Variants in CEP70 observed in about 807,000 individuals in gnomAD.
CEP70 encodes the protein centrosomal protein of 70 kDa.
Under a neutral mutation model 90.9 loss-of-function variants are expected in CEP70, and 70 were observed. That is an observed-to-expected ratio of 0.77 (90% CI 0.64 to 0.94). The LOEUF (loss-of-function observed/expected upper bound fraction) is 0.94. CEP70 is among the 40% of genes least tolerant of loss of function. The pLI is 0.00. For missense variants in CEP70, 648 were observed against 669.0 expected, an observed-to-expected ratio of 0.97 and a Z score of 0.35; for synonymous variants, 220 against 228.3, an observed-to-expected ratio of 0.96 and a Z score of 0.33.
chr3:138,582,562 A>G (rs1285694821), intron 2 of CEP70, among the ~76,000 whole-genome samples: 1 of 151,830 alleles, frequency 6.6e-6, no homozygotes, highest in East Asian at 1.9e-4. Flanking sequence ...TCACAAGGTC[A>G]TGTTCAAGAT....
chr3:138,574,436 G>C (rs916179894), intron 2 of CEP70, among the ~76,000 whole-genome samples: 4 of 152,208 alleles, frequency 2.6e-5, no homozygotes, highest in Non-Finnish European at 4.4e-5. Flanking sequence ...CAAAGCGGCA[G>C]GAAAGCTTGA....
At chr3:138,537,516 T>C (rs1474265784) in intron 6 of CEP70, among the ~76,000 whole-genome samples, 169 bp from the exon 7 acceptor site, 2 of 152,148 alleles carry the variant, frequency 1.3e-5, no homozygotes, top group Non-Finnish European at 2.9e-5. Context: ...AACATTAATA[T>C]ATCATAAACC....
chr3:138,548,785 C>A (rs1009874585), intron 6 of CEP70, among the ~76,000 whole-genome samples: 1 of 152,180 alleles, frequency 6.6e-6, no homozygotes, highest in Non-Finnish European at 1.5e-5. Flanking sequence ...AAAACTACTA[C>A]AGGAATACAT....
At chr3:138,537,870 A>G (rs186403406) in intron 6 of CEP70, among the ~76,000 whole-genome samples, 4 of 152,224 alleles carry the variant, frequency 2.6e-5, no homozygotes, top group Admixed American at 2.6e-4. Context: ...AGAAAACCAA[A>G]AACCAATATC....
intron 11 of CEP70, among the ~76,000 whole-genome samples, chr3:138,510,251 TAAA>T (rs60383710): frequency 7.3e-6 from 1 of 136,440 alleles, no homozygotes. Context: ...CCCTGTCTAC[TAAA>T]AAAAAAAAAA....
intron 6 of CEP70, among the ~76,000 whole-genome samples, chr3:138,566,561 T>A (rs908989881): frequency 6.6e-6 from 1 of 151,724 alleles, no homozygotes; most frequent in Non-Finnish European, 1.5e-5. Flanking sequence ...AACACAAGAA[T>A]GGAAAACCAA....
At chr3:138,573,663 A>G (rs1415044794) in intron 2 of CEP70, among the ~76,000 whole-genome samples, 1 of 152,368 alleles carries the variant, frequency 6.6e-6, no homozygotes, top group African/African-American at 2.4e-5. Context: ...GAGCAAAAAA[A>G]TGGGCGAGTT....
chr3:138,496,547 CA>C (rs1173731892), intron 17 of CEP70: 2 of 985,282 alleles, frequency 2.0e-6, no homozygotes, highest in Non-Finnish European at 2.4e-6. Flanking sequence ...AAATGAACCT[CA>C]CAGCAAAGGA....
At chr3:138,565,828 T>A (rs994612853) in intron 6 of CEP70, among the ~76,000 whole-genome samples, 1 of 151,980 alleles carries the variant, frequency 6.6e-6, no homozygotes, top group African/African-American at 2.4e-5. Flanking sequence ...ACAAGTGGGA[T>A]CTAATTAAAC....
chr3:138,591,607 T>C (rs1196725478), intron 2 of CEP70, among the ~76,000 whole-genome samples: 1 of 152,186 alleles, frequency 6.6e-6, no homozygotes, highest in Admixed American at 6.5e-5. Context: ...ACATAAAGCA[T>C]TGTCTGGCAC....
intron 10 of CEP70, among the ~76,000 whole-genome samples, chr3:138,526,537 C>T (rs1173206387): frequency 1.3e-5 from 2 of 152,142 alleles, no homozygotes; most frequent in African/African-American, 4.8e-5. Flanking sequence ...CAGTGTCTAA[C>T]TTACTATAGG....
chr3:138,504,386 C>A lies in CEP70; in HGVS notation c.1221+909G>T, dbSNP rs558094958. 2.0e-5 allele frequency among the ~76,000 whole-genome samples: 3 copies of A among 152,282 alleles called. No individual in the cohort carries two copies. The South Asian group carries it at 6.2e-4, about 32-fold the overall frequency. ...TTGGAATATAATATTCTGCTTCATT[C>A]CTTTTAACAAATATTAATTGAGCAC... On this transcript the variant is annotated intron_variant, in intron 13 of 17. Transcript: ENST00000264982.
chr3:138,590,668 G>A (rs981096655), intron 2 of CEP70, among the ~76,000 whole-genome samples: 5 of 150,806 alleles, frequency 3.3e-5, no homozygotes, highest in Admixed American at 2.0e-4. Flanking sequence ...AAAAATAGCC[G>A]ATCCTGGTGG....
chr3:138,524,610 A>C (rs1415883809), intron 11 of CEP70, among the ~76,000 whole-genome samples: 1 of 152,256 alleles, frequency 6.6e-6, no homozygotes. Flanking sequence ...AAAGGATATG[A>C]ACAGACACTT....
At chr3:138,581,740 A>T (rs1161606128) in intron 2 of CEP70, among the ~76,000 whole-genome samples, 2 of 151,674 alleles carry the variant, frequency 1.3e-5, no homozygotes, top group Non-Finnish European at 1.5e-5. Context: ...AAAGGAAAGA[A>T]AGAAAGTGTA....
intron 7 of CEP70, 154 bp downstream of exon 7, chr3:138,537,024 A>G (rs1006968631): frequency 2.4e-6 from 1 of 414,616 alleles, no homozygotes; most frequent in Admixed American, 4.3e-5. Flanking sequence ...AAAAAAGAAC[A>G]GGATGAGCAG....
chr3:138,528,169 G>A lies in CEP70; in HGVS notation c.869+1030C>T, dbSNP rs370003761. On this transcript the variant is annotated intron_variant, in intron 10 of 17. Coordinates refer to ENST00000264982, the MANE Select transcript of CEP70 (RefSeq NM_024491.4). ...AAGTGATCCTTCCACCTCAGTCTTC[G>A]GAGTAGCTGGGACTACAGCCACAGA... Among the ~76,000 whole-genome samples the A allele has an allele frequency of 1.9e-4, 29 of 151,140 alleles. No individual in the cohort carries two copies. The South Asian group carries it at 5.4e-3, about 28-fold the overall frequency.
chr3:138,502,669 T>C (rs2034622703), intron 13 of CEP70, among the ~76,000 whole-genome samples: 1 of 152,050 alleles, frequency 6.6e-6, no homozygotes, highest in Non-Finnish European at 1.5e-5. Flanking sequence ...TGCTTCAGAA[T>C]AAAAGAGTAT....
chr3:138,534,464 A>G (rs2038096583), intron 7 of CEP70, among the ~76,000 whole-genome samples: 1 of 152,238 alleles, frequency 6.6e-6, no homozygotes, highest in South Asian at 2.1e-4. Context: ...TCCTTCATAA[A>G]AAAACTTCAT....
Sources: allele counts gnomAD v4.1 joint callset (sites outside exome capture counted in the v4.1 genomes callset), GRCh38; gene constraint gnomAD v4.1.1; transcripts MANE v1.5; gene names NCBI Gene and HGNC (gene_info 2026-07-23, HGNC 2026-07-21).